The following CNBD1 variants were observed in gnomAD, a reference collection of about 807,000 sequenced individuals.
The protein encoded by CNBD1 is cyclic nucleotide-binding domain-containing protein 1.
A neutral mutation model predicts 54.4 loss-of-function variants in CNBD1; 71 were observed. That is an observed-to-expected ratio of 1.30 (90% CI 1.08 to 1.59). The LOEUF is 1.59. Among genes scored for constraint, CNBD1 ranks in the 40% most tolerant of loss-of-function variants. The pLI, the probability that CNBD1 is intolerant of heterozygous loss-of-function variation, is 0.00. For synonymous variants in CNBD1, 182 were observed against 170.7 expected, an observed-to-expected ratio of 1.07 and a Z score of -0.51; for missense variants, 659 against 518.0, an observed-to-expected ratio of 1.27 and a Z score of -2.64.
At chr8:87,402,266 G>T (rs2130978121) in intron 2 of CNBD1, among the ~76,000 whole-genome samples, 1 of 152,098 alleles carries the variant, frequency 6.6e-6, no homozygotes, top group Middle Eastern at 3.4e-3. Flanking sequence ...AACATGTGGA[G>T]ATTATGGGAG....
intron 4 of CNBD1, among the ~76,000 whole-genome samples, chr8:87,019,373 A>T (rs1809435464): frequency 6.6e-6 from 1 of 152,210 alleles, no homozygotes; most frequent in Admixed American, 6.5e-5. Flanking sequence ...GAAAAAAATG[A>T]CACTGTAGAT....
At chr8:87,241,057 A>G (rs2130829695) in intron 6 of CNBD1, among the ~76,000 whole-genome samples, 1 of 152,118 alleles carries the variant, frequency 6.6e-6, no homozygotes, top group Non-Finnish European at 1.5e-5. Context: ...GGTCACTGGG[A>G]GTGGAGGAAA....
intron 8 of CNBD1, among the ~76,000 whole-genome samples, chr8:87,309,512 C>A (rs565037271): frequency 6.6e-6 from 1 of 152,020 alleles, no homozygotes; most frequent in Non-Finnish European, 1.5e-5. Context: ...CATATGATTT[C>A]GGGAAATATA....
At chr8:87,226,330 G>A (rs1449072094) in intron 5 of CNBD1, among the ~76,000 whole-genome samples, 1 of 150,480 alleles carries the variant, frequency 6.6e-6, no homozygotes, top group Non-Finnish European at 1.5e-5. Flanking sequence ...TAATTGTGAT[G>A]TTAGGGTGTC....
intron 4 of CNBD1, among the ~76,000 whole-genome samples, chr8:87,113,040 A>G (rs1010421582): frequency 6.6e-6 from 1 of 152,194 alleles, no homozygotes; most frequent in Non-Finnish European, 1.5e-5. Context: ...CTGAAGTATA[A>G]ATTGCATCAT....
At chr8:87,187,468 C>A (rs1468030259) in intron 4 of CNBD1, among the ~76,000 whole-genome samples, 2 of 128,166 alleles carry the variant, frequency 1.6e-5, no homozygotes, top group Admixed American at 1.4e-4. Context: ...ATATATCCTT[C>A]TCTTTTTTTT....
intron 1 of CNBD1, among the ~76,000 whole-genome samples, chr8:86,884,911 C>A (rs1563810191): frequency 1.3e-5 from 2 of 152,180 alleles, no homozygotes; most frequent in Non-Finnish European, 2.9e-5. Context: ...CCAGCTAACT[C>A]TGCTCTGACA....
At chr8:87,117,786 T>C (rs1202332542) in intron 4 of CNBD1, among the ~76,000 whole-genome samples, 1 of 152,200 alleles carries the variant, frequency 6.6e-6, no homozygotes, top group Admixed American at 6.5e-5. Context: ...AATATTTGGC[T>C]AAAATTTTGC....
intron 2 of CNBD1, among the ~76,000 whole-genome samples, chr8:87,402,912 G>C (rs758652399): frequency 3.3e-5 from 5 of 151,996 alleles, no homozygotes; most frequent in Non-Finnish European, 5.9e-5. Flanking sequence ...AGCTACTGCT[G>C]TACAAGCACA....
At chr8:87,196,154 C>A (rs1374020715) in intron 4 of CNBD1, among the ~76,000 whole-genome samples, 1 of 152,150 alleles carries the variant, frequency 6.6e-6, no homozygotes, top group Non-Finnish European at 1.5e-5. Flanking sequence ...GAAGACTAAG[C>A]ATCTTTACTA....
At chr8:87,350,861 T>G (rs904997772) in intron 8 of CNBD1, among the ~76,000 whole-genome samples, 5 of 152,136 alleles carry the variant, frequency 3.3e-5, no homozygotes, top group Non-Finnish European at 7.4e-5. Flanking sequence ...TAAAATGTTA[T>G]GTAGATCAAG....
intron 5 of CNBD1, among the ~76,000 whole-genome samples, chr8:87,230,073 G>A (rs1165222697): frequency 1.3e-5 from 2 of 152,172 alleles, no homozygotes; most frequent in Admixed American, 1.3e-4. Context: ...CATGGCAGAA[G>A]GCAAAATGGG....
intron 6 of CNBD1, among the ~76,000 whole-genome samples, chr8:87,274,912 A>G (rs1232411944): frequency 7.4e-6 from 1 of 134,230 alleles, no homozygotes; most frequent in African/African-American, 3.0e-5. Flanking sequence ...TTTAGGTGTA[A>G]CGTTTAAGTC....
chr8:87,270,602 C>G (rs1808342503), intron 6 of CNBD1, among the ~76,000 whole-genome samples: 2 of 151,904 alleles, frequency 1.3e-5, no homozygotes, highest in Admixed American at 6.6e-5. Context: ...ACCCAGCAAT[C>G]CCATTACTGG....
chr8:87,408,248 T>C (rs1807683057), intron 2 of CNBD1, among the ~76,000 whole-genome samples: 1 of 152,026 alleles, frequency 6.6e-6, no homozygotes, highest in South Asian at 2.1e-4. Context: ...GACCTTTTCT[T>C]ACATTGTTTT....
chr8:87,253,956 C>A (rs934245531), intron 6 of CNBD1, among the ~76,000 whole-genome samples: 2 of 152,092 alleles, frequency 1.3e-5, no homozygotes, highest in Non-Finnish European at 2.9e-5. Flanking sequence ...TAGTATCATA[C>A]ACAAAGTAGA....
At chr8:87,372,945 A>G (rs1237455220) in intron 10 of CNBD1, among the ~76,000 whole-genome samples, 1 of 151,446 alleles carries the variant, frequency 6.6e-6, no homozygotes, top group Non-Finnish European at 1.5e-5. Flanking sequence ...AACTCCTGTG[A>G]TTTTTTTCTT....
intron 4 of CNBD1, among the ~76,000 whole-genome samples, chr8:87,026,757 C>T (rs1212284052): frequency 6.6e-6 from 1 of 152,116 alleles, no homozygotes; most frequent in Non-Finnish European, 1.5e-5. Context: ...CATAAATAAC[C>T]TTTTCAAGCT....
At chr8:86,885,399 C>T (rs376761133) in intron 1 of CNBD1, among the ~76,000 whole-genome samples, 10 of 152,102 alleles carry the variant, frequency 6.6e-5, no homozygotes, top group African/African-American at 2.4e-4. Context: ...CCCTTTCCAG[C>T]CCTCTTTCAA....
Sources: gnomAD v4.1 joint callset for allele counts (sites outside exome capture counted in the v4.1 genomes callset) on GRCh38, gnomAD v4.1.1 for gene constraint, MANE v1.5 for transcripts, NCBI Gene and HGNC (gene_info 2026-07-23, HGNC 2026-07-21) for gene names.